Variants in SYNE1 observed in about 807,000 individuals in gnomAD.
SYNE1 encodes the protein nesprin-1.
A neutral mutation model predicts 1,111.0 loss-of-function variants in SYNE1; 616 were observed. The ratio of observed to expected loss-of-function variants is 0.55; its 90% CI spans 0.52 to 0.59. SYNE1 has a LOEUF of 0.59. Among genes scored for constraint, SYNE1 ranks in the 20% least tolerant of loss-of-function variants. The probability of loss-of-function intolerance (pLI) is 0.00; values close to 1 mark genes in which losing one functional copy is unlikely to be tolerated. For synonymous variants in SYNE1, 3,855 were observed against 3,825.8 expected (o/e 1.01, Z -0.28); for missense variants, 10,006 against 10,417.0 (o/e 0.96, Z 1.72).
At chr6:152,394,570 G>C (rs1292041415) in intron 51 of SYNE1, among the ~76,000 whole-genome samples, 1 of 151,918 alleles carries the variant, frequency 6.6e-6, no homozygotes, top group Non-Finnish European at 1.5e-5. Context: ...AGGGAACTTT[G>C]CCTGGGAAAG....
At chr6:152,491,718 G>A (rs1323395907) in intron 11 of SYNE1, among the ~76,000 whole-genome samples, 1 of 152,084 alleles carries the variant, frequency 6.6e-6, no homozygotes, top group Non-Finnish European at 1.5e-5. Context: ...TCCCTCCCTA[G>A]TCTCTGCTCC....
At chr6:152,256,572 T>C in intron 102 of SYNE1, 62 bp downstream of exon 102, 2 of 1,606,598 alleles carry the variant, frequency 1.2e-6, no homozygotes, top group Admixed American at 3.3e-5. Context: ...GCCAGGCAAA[T>C]CAATACAAGC....
intron 7 of SYNE1, 122 bp from the exon 8 acceptor site, chr6:152,510,493 G>T: frequency 8.6e-7 from 1 of 1,166,476 alleles, no homozygotes; most frequent in Non-Finnish European, 1.2e-6. Flanking sequence ...CTGACAAAAT[G>T]CAAGCTCTTA....
intron 3 of SYNE1, among the ~76,000 whole-genome samples, chr6:152,573,289 G>C (rs910749731): frequency 4.6e-5 from 7 of 150,662 alleles, no homozygotes; most frequent in Admixed American, 4.6e-4. Context: ...CCATTAACTC[G>C]TCATTTAGCA....
chr6:152,380,996 G>A lies in SYNE1; in HGVS notation c.9009+10C>T. Reference sequence around the variant, plus strand: ...CATAACCACCAATAGAAAACAGGAAGCCAACTTACTTGTCCTTTGTGCCAG... The same window carrying A: ...CATAACCACCAATAGAAAACAGGAAACCAACTTACTTGTCCTTTGTGCCAG... On this transcript the variant is annotated intron_variant, in intron 56 of 145. Transcript: ENST00000367255. 2 of 1,612,798 alleles carry A rather than the reference G, an allele frequency of 1.2e-6. No individual in the cohort carries two copies. The highest frequency in any genetic ancestry group is 1.1e-5 in the South Asian group (1 of 91,050).
intron 63 of SYNE1, chr6:152,363,786 C>T (rs1318018506): frequency 2.2e-6 from 1 of 455,474 alleles, no homozygotes; most frequent in African/African-American, 2.0e-5. Context: ...TGAGGGGCAG[C>T]CCTCAACTGC....
intron 98 of SYNE1, 86 bp downstream of exon 98, chr6:152,278,003 C>T: frequency 6.8e-7 from 1 of 1,470,156 alleles, no homozygotes; most frequent in South Asian, 1.1e-5. Context: ...TCACCGCCAA[C>T]CTGTTCCTTT....
In SYNE1 at chr6:152,530,993, C is replaced by T. The variant is rs576102708; in HGVS notation, c.130-4818G>A. ...CCTTTGCCCAGGGTATTCATGCTGTCTACTCAACCTGACCCACCTGCTTGT... is the reference window on the plus strand; with the variant it reads ...CCTTTGCCCAGGGTATTCATGCTGTTTACTCAACCTGACCCACCTGCTTGT... On this transcript the variant is annotated intron_variant, in intron 4 of 145. Coordinates refer to ENST00000367255, the MANE Select transcript of SYNE1 (RefSeq NM_182961.4). 2.0e-5 allele frequency among the ~76,000 whole-genome samples: 3 copies of T among 151,992 alleles called. No homozygotes were observed. In the South Asian group the frequency reaches 6.2e-4, roughly 32 times the overall value.
chr6:152,268,062 T>A lies in SYNE1; in HGVS notation c.18809A>T (p.Asp6270Val). The A allele has an allele frequency of 6.2e-7, 1 of 1,613,342 alleles. No homozygotes were observed. The highest frequency in any genetic ancestry group is 1.3e-5 in the African/African-American group (1 of 75,008). ...IQHSAAETSGDAGEKPDVLSQ... is the reference protein window; with the variant it reads ...IQHSAAETSGVAGEKPDVLSQ... ...GAAGCATTTTGAAACATACCCAGCA[T>A]CACCAGAGGTCTCTGCCGCCGAATG... Residue 6270 changes from aspartate (D) to valine (V), a missense_variant, in exon 100 of 146, where the codon GAT becomes GTT. Asp to Val is a radical substitution (Grantham distance 152, BLOSUM62 -3). Around this residue, in one of 7 missense-constraint regions of SYNE1, gnomAD observed 2,182 missense variants for 2,287.8 expected, o/e 0.95. Coordinates refer to ENST00000367255, the MANE Select transcript of SYNE1 (RefSeq NM_182961.4).
chr6:152,326,180 T>A (rs1441651319), intron 79 of SYNE1, 78 bp from the exon 80 acceptor site: 1 of 1,612,704 alleles, frequency 6.2e-7, no homozygotes, highest in Non-Finnish European at 8.5e-7. Flanking sequence ...TCAGTATGTC[T>A]AATGATACTC....
At chr6:152,186,950 T>C (rs150831384) in intron 128 of SYNE1, among the ~76,000 whole-genome samples, 35 of 152,354 alleles carry the variant, frequency 2.3e-4, no homozygotes, top group Non-Finnish European at 3.8e-4. Flanking sequence ...ATAAAGTCTT[T>C]ACATTGCAAA....
intron 3 of SYNE1, among the ~76,000 whole-genome samples, chr6:152,553,234 CA>C (rs1439652012): frequency 6.6e-6 from 1 of 152,128 alleles, no homozygotes; most frequent in Non-Finnish European, 1.5e-5. Context: ...CTGTCTGACT[CA>C]AAAGCCCATA....
intron 132 of SYNE1, chr6:152,155,553 T>C: frequency 8.7e-6 from 3 of 343,582 alleles, no homozygotes; most frequent in Middle Eastern, 2.0e-3. Flanking sequence ...CCACCTTGAA[T>C]TTCAAAGGGC....
intron 3 of SYNE1, among the ~76,000 whole-genome samples, chr6:152,612,087 C>A (rs2099632926): frequency 6.7e-6 from 1 of 149,726 alleles, no homozygotes. Context: ...ATTAAAAGAA[C>A]TAGAGAAACA....
In SYNE1 at chr6:152,358,408, C is replaced by T; in HGVS notation, c.10573G>A (p.Ala3525Thr). 2 of 1,614,160 alleles carry T rather than the reference C, an allele frequency of 1.2e-6. No homozygotes were observed. The highest frequency in any genetic ancestry group is 1.7e-6 in the Non-Finnish European group (2 of 1,180,034). The change falls in exon 66 of 146, where the codon GCC becomes ACC. Residue 3525 changes from alanine to threonine, a missense_variant. Physicochemically the swap from Ala to Thr is moderately conservative, Grantham distance 58. Coordinates refer to ENST00000367255, the MANE Select transcript of SYNE1 (RefSeq NM_182961.4). ...LDQYSVLEGD[A>T]HTHETTLRDL... ...CGCAATGTTGTCTCATGAGTGTGGGCATCACCTTCAAGAACTGAATACTGG... is the reference window on the plus strand; with the variant it reads ...CGCAATGTTGTCTCATGAGTGTGGGTATCACCTTCAAGAACTGAATACTGG...
intron 62 of SYNE1, chr6:152,366,843 A>G: frequency 2.7e-6 from 1 of 375,064 alleles, no homozygotes; most frequent in South Asian, 2.1e-5. Flanking sequence ...GGATGGGAGG[A>G]GAATTGGCTA....
At chr6:152,534,562 G>A (rs1193696397) in intron 4 of SYNE1, among the ~76,000 whole-genome samples, 2 of 152,118 alleles carry the variant, frequency 1.3e-5, no homozygotes, top group Non-Finnish European at 2.9e-5. Flanking sequence ...ATTAAATCAA[G>A]CTAATTAACA....
At chr6:152,305,153 A>T (rs2095331813) in intron 91 of SYNE1, among the ~76,000 whole-genome samples, 1 of 152,264 alleles carries the variant, frequency 6.6e-6, no homozygotes, top group Admixed American at 6.5e-5. Context: ...TCTGGTATTC[A>T]TGAGCAGGCT....
Position 152,325,105 on chromosome 6 carries a change from C to A in SYNE1, c.15636G>T (p.Glu5212Asp). 6.2e-7 allele frequency: 1 copy of A among 1,614,190 alleles called. No individual in the cohort carries two copies. ...CTACCTTGTTGTTAAAGCCCGTCCACTCATCCACTGCATCTTCCAGGATCT... is the reference window on the plus strand; with the variant it reads ...CTACCTTGTTGTTAAAGCCCGTCCAATCATCCACTGCATCTTCCAGGATCT... Reference protein sequence around the residue: ...QEKILEDAVDEWTGFNNKVKK... With the variant: ...QEKILEDAVDDWTGFNNKVKK... Residue 5212 changes from glutamate (E) to aspartate (D), a missense_variant, in exon 81 of 146, where the codon GAG becomes GAT. By Grantham distance (45) the Glu-to-Asp change is conservative. Around this residue, in one of 7 missense-constraint regions of SYNE1, gnomAD observed 4,955 missense variants for 5,017.2 expected, o/e 0.99. Coordinates refer to ENST00000367255, the MANE Select transcript of SYNE1 (RefSeq NM_182961.4).
Sources: allele counts gnomAD v4.1 joint callset (sites outside exome capture counted in the v4.1 genomes callset), GRCh38; gene constraint gnomAD v4.1.1; regional missense constraint gnomAD v4.1.1; transcripts MANE v1.5; gene names NCBI Gene and HGNC (gene_info 2026-07-23, HGNC 2026-07-21).